DEPTOR: variants seen among roughly 807,000 people sequenced by gnomAD.
DEPTOR encodes the protein DEP domain containing MTOR interacting protein, also known as DEP domain-containing mTOR-interacting protein.
DEPTOR carries 41 observed loss-of-function variants against 41.6 expected under a neutral mutation model. That is an observed-to-expected ratio of 0.98 (90% CI 0.77 to 1.28). The LOEUF (loss-of-function observed/expected upper bound fraction) is 1.28. Among genes scored for constraint, DEPTOR ranks in the 50% most tolerant of loss-of-function variants. The pLI, the probability that DEPTOR is intolerant of heterozygous loss-of-function variation, is 0.00. For synonymous variants in DEPTOR, 195 were observed against 192.3 expected (o/e 1.01, Z -0.12); for missense variants, 514 against 527.9 (o/e 0.97, Z 0.26).
chr8:119,959,319 C>T (rs1284621645), intron 3 of DEPTOR, among the ~76,000 whole-genome samples: 7 of 151,600 alleles, frequency 4.6e-5, no homozygotes, highest in African/African-American at 1.2e-4. Flanking sequence ...CCCACCACCA[C>T]GCCCAGCTAA....
At chr8:119,883,473 TAAAAAAAAAAAA>T (rs386413817) in intron 1 of DEPTOR, among the ~76,000 whole-genome samples, 2 of 112,122 alleles carry the variant, frequency 1.8e-5, no homozygotes, top group Non-Finnish European at 3.5e-5. Context: ...AGACTCGTCT[TAAAAAAAAAAAA>T]AAAAAAAAAA....
At chr8:120,006,729 A>G in intron 6 of DEPTOR, 76 bp from the exon 7 acceptor site, 1 of 1,322,048 alleles carries the variant, frequency 7.6e-7, no homozygotes, top group South Asian at 1.2e-5. Flanking sequence ...CCTACGAGAT[A>G]TCAATAAATA....
chr8:119,991,581 G>C (rs1812174736), intron 4 of DEPTOR, among the ~76,000 whole-genome samples: 1 of 152,136 alleles, frequency 6.6e-6, no homozygotes, highest in South Asian at 2.1e-4. Flanking sequence ...GCCTCCCAAA[G>C]TGGTGAGATT....
At chr8:120,043,712 T>A (rs1563601525) in intron 8 of DEPTOR, among the ~76,000 whole-genome samples, 1 of 152,112 alleles carries the variant, frequency 6.6e-6, no homozygotes, top group Non-Finnish European at 1.5e-5. Flanking sequence ...TTAGCTTGTT[T>A]ATAAAGATTG....
chr8:119,969,226 A>G (rs1828602101), intron 4 of DEPTOR, among the ~76,000 whole-genome samples: 1 of 152,154 alleles, frequency 6.6e-6, no homozygotes, highest in African/African-American at 2.4e-5. Flanking sequence ...TTTCTAAATG[A>G]TTTCCAAGGG....
At chr8:119,880,600 A>C (rs1433206787) in intron 1 of DEPTOR, among the ~76,000 whole-genome samples, 1 of 152,242 alleles carries the variant, frequency 6.6e-6, no homozygotes, top group East Asian at 1.9e-4. Context: ...TAAATAAAAA[A>C]GTAGACAAGT....
Position 119,928,314 on chromosome 8 carries a change from TCTGTTATGTTATTA to T in DEPTOR, c.123-81_123-68del. 2.1e-6 allele frequency: 3 copies of T among 1,419,398 alleles called. No homozygotes were observed. The Admixed American group carries it at 6.1e-5, about 29-fold the overall frequency. The allele number at this position is 1,419,398 out of a possible 1,614,324, so 87.9% of individuals were successfully genotyped here. Reference sequence around the variant, plus strand: ...ATGACACCTTCATGCCTTTAGAACTTCTGTTATGTTATTACTGTCTGGGATTGGTTTAATAATTT... The same window carrying T: ...ATGACACCTTCATGCCTTTAGAACTTCTGTCTGGGATTGGTTTAATAATTT... On this transcript the variant is annotated intron_variant, in intron 1 of 8. Transcript: ENST00000286234.
At chr8:119,925,076 T>C (rs1434441740) in intron 1 of DEPTOR, among the ~76,000 whole-genome samples, 1 of 152,150 alleles carries the variant, frequency 6.6e-6, no homozygotes, top group Non-Finnish European at 1.5e-5. Flanking sequence ...AGAAAACTTG[T>C]GCAGCGAAAC....
At chr8:119,965,102 G>A in intron 3 of DEPTOR, 130 bp from the exon 4 acceptor site, 1 of 979,512 alleles carries the variant, frequency 1.0e-6, no homozygotes, top group South Asian at 1.8e-5. Flanking sequence ...TTACATGTGT[G>A]GTGGCACCTG....
At chr8:119,980,230 A>C (rs1260490010) in intron 4 of DEPTOR, among the ~76,000 whole-genome samples, 1 of 152,024 alleles carries the variant, frequency 6.6e-6, no homozygotes, top group Non-Finnish European at 1.5e-5. Context: ...TCTCCAAAAT[A>C]TTATCATTTA....
At chr8:120,026,065 C>A (rs2130153691) in intron 8 of DEPTOR, among the ~76,000 whole-genome samples, 1 of 151,350 alleles carries the variant, frequency 6.6e-6, no homozygotes, top group Middle Eastern at 3.4e-3. Flanking sequence ...CAGCTCACTG[C>A]AACCTCTGCC....
intron 4 of DEPTOR, among the ~76,000 whole-genome samples, chr8:119,974,468 T>A (rs1046405107): frequency 6.6e-6 from 1 of 151,860 alleles, no homozygotes; most frequent in Non-Finnish European, 1.5e-5. Flanking sequence ...ATCTCTAGGA[T>A]AGATCTCAAA....
chr8:119,988,958 C>CTTTTTTTTTTTTTT (rs71571643), intron 4 of DEPTOR, among the ~76,000 whole-genome samples: 129 of 93,804 alleles, frequency 1.4e-3, no homozygotes, highest in Middle Eastern at 0.019. Context: ...TTTTTTTTTT[C>CTTTTTTTTTTTTTT]TTTTTTTTTT....
rs553736344 is a variant in DEPTOR, at chr8:120,047,668, T to G, written c.1102-1908T>G. ...CTGGGATTACAGGCATGAGCTACTG[T>G]GCCTGGCAGATTTTCTAAATTTTAA... On this transcript the variant is annotated intron_variant, in intron 8 of 8. Transcript: ENST00000286234. Among the ~76,000 whole-genome samples the G allele has an allele frequency of 1.8e-4, 28 of 152,034 alleles. No homozygotes were observed. The South Asian group carries it at 4.8e-3, about 26-fold the overall frequency.
intron 4 of DEPTOR, among the ~76,000 whole-genome samples, chr8:119,999,289 A>G (rs1812313604): frequency 6.6e-6 from 1 of 152,098 alleles, no homozygotes; most frequent in African/African-American, 2.4e-5. Context: ...AAAAGAAAAA[A>G]AAAGGAAATA....
intron 1 of DEPTOR, among the ~76,000 whole-genome samples, chr8:119,904,532 T>A (rs1439194480): frequency 6.6e-6 from 1 of 152,156 alleles, no homozygotes; most frequent in Non-Finnish European, 1.5e-5. Flanking sequence ...TCTCACTCTG[T>A]CACGCAGGCT....
chr8:119,904,562 T>C lies in DEPTOR; in HGVS notation c.123-23838T>C, dbSNP rs181856919. On this transcript the variant is annotated intron_variant, in intron 1 of 8. Transcript: ENST00000286234. ...CAGGCTGCAGAGCAGTGGTGTGATC[T>C]TGACTCACTGCAACCTCCACCTCCT... Among the ~76,000 whole-genome samples, 3 of 151,914 alleles carry C rather than the reference T, an allele frequency of 2.0e-5. No individual in the cohort carries two copies. In the East Asian group the frequency reaches 5.8e-4, roughly 29 times the overall value.
intron 4 of DEPTOR, among the ~76,000 whole-genome samples, chr8:119,994,803 G>A (rs1478962837): frequency 6.6e-6 from 1 of 151,800 alleles, no homozygotes; most frequent in Non-Finnish European, 1.5e-5. Flanking sequence ...TGTAGTCTCA[G>A]CTACTTGAGA....
chr8:119,967,570 T>C (rs1828578760), intron 4 of DEPTOR, among the ~76,000 whole-genome samples: 1 of 150,956 alleles, frequency 6.6e-6, no homozygotes, highest in Non-Finnish European at 1.5e-5. Flanking sequence ...CTGGCCAACA[T>C]GGTGAAACCC....
Sources: allele counts gnomAD v4.1 joint callset (sites outside exome capture counted in the v4.1 genomes callset), GRCh38; gene constraint gnomAD v4.1.1; transcripts MANE v1.5; gene names NCBI Gene and HGNC (gene_info 2026-07-23, HGNC 2026-07-21).